The following ARFGEF1 variants were observed in gnomAD, a reference collection of about 807,000 sequenced individuals.
ARFGEF1 encodes ARF guanine nucleotide exchange factor 1.
ARFGEF1 carries 42 observed loss-of-function variants against 231.0 expected under a neutral mutation model. The ratio of observed to expected loss-of-function variants is 0.18; its 90% CI spans 0.14 to 0.24. ARFGEF1 has a LOEUF of 0.24. ARFGEF1 is among the 10% of genes least tolerant of loss of function. The pLI, the probability that ARFGEF1 is intolerant of heterozygous loss-of-function variation, is 1.00. For missense variants in ARFGEF1, 1,345 were observed against 2,192.0 expected (o/e 0.61, Z 7.72); for synonymous variants, 710 against 732.3 (o/e 0.97, Z 0.49).
intron 22 of ARFGEF1, among the ~76,000 whole-genome samples, chr8:67,234,394 GCTCATAGAAAGGCT>G (rs1231235073): frequency 6.6e-6 from 1 of 152,146 alleles, no homozygotes; most frequent in Admixed American, 6.5e-5. Context: ...CAGGGTGTTA[GCTCATAGAAAGGCT>G]TCACATATGA....
intron 5 of ARFGEF1, among the ~76,000 whole-genome samples, chr8:67,187,104 T>C (rs1237658513): frequency 1.3e-5 from 2 of 152,130 alleles, no homozygotes; most frequent in Non-Finnish European, 2.9e-5. Context: ...TTCATGACCA[T>C]GCACAGGATG....
chr8:67,191,207 C>T (rs1442498150), intron 5 of ARFGEF1, among the ~76,000 whole-genome samples: 1 of 152,206 alleles, frequency 6.6e-6, no homozygotes, highest in African/African-American at 2.4e-5. Context: ...CCCAGCTTTA[C>T]AATATAGCCA....
intron 1 of ARFGEF1, among the ~76,000 whole-genome samples, chr8:67,331,557 G>A (rs963756304): frequency 6.6e-6 from 1 of 152,136 alleles, no homozygotes; most frequent in African/African-American, 2.4e-5. Context: ...AATTTCTGTT[G>A]TCCATAAGCC....
rs61753693 is a variant in ARFGEF1 at position 67,203,111 on chromosome 8, G to A, written c.5100C>T (p.Asn1700=). ...HRFAKAFNSN[N]EQRTALWKAG... is the part of the protein sequence containing the mutation. ...CTTTCCACAGGGCAGTCCTCTGTTC[G>A]TTGTTGGAATTAAACGCTTTTGCAA... is the stretch of plus-strand genomic sequence containing the variant. Residue 1700 remains asparagine (N), a synonymous_variant, in exon 36 of 39, where the codon AAC becomes AAT. Transcript: ENST00000262215. 23,048 of 1,613,950 alleles carry A rather than the reference G, an allele frequency of 0.014. 213 individuals are homozygous for A. The highest frequency in any genetic ancestry group is 0.015 in the Non-Finnish European group (17,771 of 1,179,936).
Position 67,197,918 on chromosome 8 carries a change from G to A in ARFGEF1, c.*1016C>T, listed in dbSNP as rs750855580. The A allele has an allele frequency of 1.1e-5, 11 of 985,596 alleles. No individual in the cohort carries two copies. The highest frequency in any genetic ancestry group is 1.2e-5 in the Non-Finnish European group (10 of 829,924). 61.1% of individuals were successfully genotyped at this position (985,596 alleles called of 1,614,324 possible). ...TACATTTCCAGTAAATCTAACCTCCGCAAACCATGCCAGATTTGTTATTTT... is the reference window on the plus strand; with the variant it reads ...TACATTTCCAGTAAATCTAACCTCCACAAACCATGCCAGATTTGTTATTTT... On this transcript the variant is annotated 3_prime_UTR_variant, in exon 39 of 39. Coordinates refer to ENST00000262215, the MANE Select transcript of ARFGEF1 (RefSeq NM_006421.5).
At chr8:67,337,399 AC>A (rs1808399945) in intron 1 of ARFGEF1, among the ~76,000 whole-genome samples, 1 of 152,042 alleles carries the variant, frequency 6.6e-6, no homozygotes, top group African/African-American at 2.4e-5. Context: ...CTGTTAACCA[AC>A]CCATCAGCAA....
At chr8:67,196,362 T>C (rs1179786803), downstream of ARFGEF1, 1 of 152,200 alleles carries the variant, frequency 6.6e-6, no homozygotes, top group Non-Finnish European at 1.5e-5. Flanking sequence ...GGAGTCTTCT[T>C]CTTCCACCAT....
chr8:67,212,498 A>G (rs972721542), intron 33 of ARFGEF1, among the ~76,000 whole-genome samples: 2 of 152,234 alleles, frequency 1.3e-5, no homozygotes, highest in African/African-American at 4.8e-5. Context: ...TAAGAACTAG[A>G]TATAATAAAT....
At chr8:67,340,044 A>G (rs1261412082) in intron 1 of ARFGEF1, among the ~76,000 whole-genome samples, 1 of 152,288 alleles carries the variant, frequency 6.6e-6, no homozygotes, top group East Asian at 1.9e-4. Flanking sequence ...AGAATACACA[A>G]TAAGCTGTAA....
At chr8:67,318,191 G>A (rs192639544) in intron 1 of ARFGEF1, among the ~76,000 whole-genome samples, 1 of 149,648 alleles carries the variant, frequency 6.7e-6, no homozygotes, top group African/African-American at 2.5e-5. Flanking sequence ...GAGCCGAGAT[G>A]GTGCCACTGC....
chr8:67,174,601 A>G (rs1831167066), downstream of ARFGEF1: 1 of 152,174 alleles, frequency 6.6e-6, no homozygotes, highest in Admixed American at 6.5e-5. Context: ...TCTCTACTAA[A>G]AACTACAAGA....
At chr8:67,260,273 T>C (rs910146988) in intron 14 of ARFGEF1, among the ~76,000 whole-genome samples, 1 of 152,218 alleles carries the variant, frequency 6.6e-6, no homozygotes, top group African/African-American at 2.4e-5. Flanking sequence ...CTTTGAGTAA[T>C]ACTAAATATT....
intron 33 of ARFGEF1, among the ~76,000 whole-genome samples, chr8:67,212,417 A>G (rs2129577876): frequency 6.6e-6 from 1 of 152,344 alleles, no homozygotes; most frequent in East Asian, 1.9e-4. Flanking sequence ...GTAACCTTGG[A>G]AAAATGATTA....
downstream of ARFGEF1, chr8:67,195,300 A>AGTT (rs1210975223): frequency 9.6e-5 from 81 of 846,204 alleles, no homozygotes; most frequent in East Asian, 1.7e-3. Flanking sequence ...AGTTGTAATG[A>AGTT]GTTGGACTAC....
chr8:67,203,381 A>C, intron 35 of ARFGEF1, 130 bp from the exon 36 acceptor site: 2 of 1,045,856 alleles, frequency 1.9e-6, no homozygotes, highest in South Asian at 3.2e-5. Context: ...AACCTAACAG[A>C]AAGTAAGGGA....
At chr8:67,258,853 A>T (rs889441714) in intron 15 of ARFGEF1, among the ~76,000 whole-genome samples, 17 of 149,498 alleles carry the variant, frequency 1.1e-4, no homozygotes, top group Admixed American at 6.7e-5. Flanking sequence ...ACACACACAC[A>T]CCAGTCATCA....
At chr8:67,196,355 G>GTCT (rs561469608), downstream of ARFGEF1, 2 of 152,216 alleles carry the variant, frequency 1.3e-5, no homozygotes, top group African/African-American at 2.4e-5. Flanking sequence ...AGAGACTGGA[G>GTCT]TCTTCTTCTT....
chr8:67,175,673 A>G, intron 5 of ARFGEF1: 1 of 632,146 alleles, frequency 1.6e-6, no homozygotes, highest in Non-Finnish European at 2.9e-6. Context: ...CACTGTAGCC[A>G]GGAGGACTGA....
At chr8:67,203,635 T>C (rs983116157) in intron 35 of ARFGEF1, among the ~76,000 whole-genome samples, 1 of 152,170 alleles carries the variant, frequency 6.6e-6, no homozygotes, top group Non-Finnish European at 1.5e-5. Flanking sequence ...AGCAGACTGG[T>C]TTCTCTCTAA....
Sources: gnomAD v4.1 joint callset for allele counts (sites outside exome capture counted in the v4.1 genomes callset) on GRCh38, gnomAD v4.1.1 for gene constraint, MANE v1.5 for transcripts, NCBI Gene and HGNC (gene_info 2026-07-23, HGNC 2026-07-21) for gene names.